The following BCAS3 variants were observed in gnomAD, a reference collection of about 807,000 sequenced individuals.
BCAS3 encodes BCAS3 microtubule associated cell migration factor.
Under a neutral mutation model 116.1 loss-of-function variants are expected in BCAS3, and 53 were observed. The ratio of observed to expected loss-of-function variants is 0.46; its 90% CI spans 0.37 to 0.57. The LOEUF (loss-of-function observed/expected upper bound fraction) is 0.57, where lower values mean the gene tolerates loss of function less well. Ranked by LOEUF, BCAS3 falls within the 20% of genes least tolerant of loss-of-function variation. The pLI, the probability that BCAS3 is intolerant of heterozygous loss-of-function variation, is 0.00. For missense variants in BCAS3, 917 were observed against 1,165.4 expected, an observed-to-expected ratio of 0.79 and a Z score of 3.10; for synonymous variants, 391 against 408.2, an observed-to-expected ratio of 0.96 and a Z score of 0.51.
chr17:60,907,894 A>G (rs564175181), intron 11 of BCAS3, among the ~76,000 whole-genome samples: 1 of 152,324 alleles, frequency 6.6e-6, no homozygotes, highest in Admixed American at 6.5e-5. Context: ...GTTAAATAAC[A>G]TTATCAGTTA....
At position 61,302,752 on chromosome 17, in the gene BCAS3, C is replaced by T. The variant is rs942199114; in HGVS notation, c.2426-65575C>T. 5.3e-5 allele frequency among the ~76,000 whole-genome samples: 8 copies of T among 152,084 alleles called. No homozygotes were observed. The highest frequency in any genetic ancestry group is 2.1e-4 in the South Asian group (1 of 4,828). On this transcript the variant is annotated intron_variant, in intron 22 of 23. Transcript: ENST00000407086. The surrounding 1 kb of genome is among the most constrained non-coding windows in gnomAD (Gnocchi z 4.4). Reference sequence around the variant, plus strand: ...GATCCTTCATTTACAATATCAGCTACGGCCTCTGGATGTGTTTTTATCTAA... The same window carrying T: ...GATCCTTCATTTACAATATCAGCTATGGCCTCTGGATGTGTTTTTATCTAA...
chr17:60,821,234 A>G (rs1202505690), intron 7 of BCAS3, among the ~76,000 whole-genome samples: 1 of 152,120 alleles, frequency 6.6e-6, no homozygotes, highest in African/African-American at 2.4e-5. Context: ...GGCATGCGCC[A>G]CCTCACCTGG....
chr17:60,805,084 A>G (rs2048149883), intron 6 of BCAS3, among the ~76,000 whole-genome samples: 1 of 151,562 alleles, frequency 6.6e-6, no homozygotes, highest in Admixed American at 6.6e-5. Context: ...CACTCACACA[A>G]TTTTAAAGAT....
intron 22 of BCAS3, among the ~76,000 whole-genome samples, chr17:61,153,163 C>T (rs1174352803): frequency 6.6e-6 from 1 of 152,216 alleles, no homozygotes; most frequent in African/African-American, 2.4e-5. Flanking sequence ...GAAGTCTCTT[C>T]TGGTGGTAAT....
At chr17:60,737,989 G>A (rs2041147363) in intron 5 of BCAS3, among the ~76,000 whole-genome samples, 1 of 152,132 alleles carries the variant, frequency 6.6e-6, no homozygotes, top group African/African-American at 2.4e-5. Context: ...GTTTCACCAT[G>A]TTGGCCAGGC....
chr17:60,794,378 C>G (rs2047036395), intron 6 of BCAS3, among the ~76,000 whole-genome samples: 2 of 151,806 alleles, frequency 1.3e-5, no homozygotes, highest in Non-Finnish European at 2.9e-5. Flanking sequence ...TCTGACTGTT[C>G]CTTTTGCTAT....
At chr17:61,274,566 G>A (rs1028679597) in intron 22 of BCAS3, among the ~76,000 whole-genome samples, 2 of 152,098 alleles carry the variant, frequency 1.3e-5, no homozygotes, top group African/African-American at 2.4e-5. Flanking sequence ...TGGGATTACA[G>A]GTGTGAGCCA....
chr17:61,109,587 A>G (rs908693861), intron 22 of BCAS3, among the ~76,000 whole-genome samples: 5 of 152,118 alleles, frequency 3.3e-5, no homozygotes, highest in African/African-American at 1.2e-4. Context: ...TTCCCTTTTC[A>G]CTGCATCCAT....
chr17:60,679,996 G>A (rs1353313946), intron 2 of BCAS3, among the ~76,000 whole-genome samples: 1 of 151,724 alleles, frequency 6.6e-6, no homozygotes, highest in Non-Finnish European at 1.5e-5. Context: ...AAATTAGCCG[G>A]GTATGGTGGC....
intron 22 of BCAS3, among the ~76,000 whole-genome samples, chr17:61,293,847 G>A (rs775166236): frequency 1.4e-4 from 21 of 152,224 alleles, no homozygotes; most frequent in Non-Finnish European, 2.6e-4. Context: ...GGCAACCTCT[G>A]CCTTCCAGGT....
rs71355183 is a variant in BCAS3 at position 61,273,731 on chromosome 17, CT to C, written c.2426-94584del. Among the ~76,000 whole-genome samples the C allele has an allele frequency of 8.6e-4, 119 of 138,744 alleles. 2 individuals are homozygous for C. The highest frequency in any genetic ancestry group is 3.8e-3 in the Middle Eastern group (1 of 260). The allele number at this position is 138,744 out of a possible 152,430, so 91.0% of individuals were successfully genotyped here. A position where few individuals can be genotyped will look rare whatever the true frequency, so the allele number is the denominator to read the frequency against. On this transcript the variant is annotated intron_variant, in intron 22 of 23. Transcript: ENST00000407086. ...TCGCATGGGTCACTGTGGCTCTGTT[CT>C]TTTTTTTTTTTCTTAGAAGTTTTCT... is the stretch of plus-strand genomic sequence containing the variant.
chr17:61,147,175 A>G (rs1368130454), intron 22 of BCAS3, among the ~76,000 whole-genome samples: 1 of 152,056 alleles, frequency 6.6e-6, no homozygotes, highest in African/African-American at 2.4e-5. Context: ...CTCAGGTTCA[A>G]GCGATTCTCG....
At chr17:60,918,168 T>C (rs2058872952) in intron 12 of BCAS3, among the ~76,000 whole-genome samples, 1 of 152,180 alleles carries the variant, frequency 6.6e-6, no homozygotes, top group Non-Finnish European at 1.5e-5. Flanking sequence ...TTAAAAATAA[T>C]GGCCATCCTA....
At position 60,956,006 on chromosome 17, in the gene BCAS3, C is replaced by T. The variant is rs1311411736; in HGVS notation, c.1221+8654C>T. ...TGGTCTTCCTCACTGTGCAGTTACT[C>T]TTTTGTACTTATAAAAATTTACAAG... On this transcript the variant is annotated intron_variant, in intron 14 of 23. Transcript: ENST00000407086. The surrounding 1 kb of genome is among the most constrained non-coding windows in gnomAD (Gnocchi z 4.2). Among the ~76,000 whole-genome samples, 1 of 152,166 alleles carries T rather than the reference C, an allele frequency of 6.6e-6. No individual in the cohort carries two copies. Among genetic ancestry groups the T allele is most frequent in the Non-Finnish European group, 1.5e-5 (1 of 68,026 alleles).
In BCAS3 at chr17:61,309,347, G is replaced by C. The variant is rs980726100; in HGVS notation, c.2426-58980G>C. Among the ~76,000 whole-genome samples, 2 of 152,034 alleles carry C rather than the reference G, an allele frequency of 1.3e-5. No homozygotes were observed. The highest frequency in any genetic ancestry group is 4.8e-5 in the African/African-American group (2 of 41,398). On this transcript the variant is annotated intron_variant, in intron 22 of 23. Coordinates refer to ENST00000407086, the MANE Select transcript of BCAS3 (RefSeq NM_017679.5). This position sits in a 1 kb window ranked among gnomAD's most constrained non-coding sequence, Gnocchi z 4.6. ...GGTGGAGAGGCGGTGTCCATTTTTT[G>C]ACGGAACTGGTATGGGCAGATGAGC...
At chr17:60,706,907 C>T (rs1274004031) in intron 4 of BCAS3, among the ~76,000 whole-genome samples, 5 of 151,046 alleles carry the variant, frequency 3.3e-5, no homozygotes, top group South Asian at 4.2e-4. Flanking sequence ...CTTGACCTCC[C>T]GGGCTCAAGC....
At chr17:61,209,357 T>C (rs1422828065) in intron 22 of BCAS3, among the ~76,000 whole-genome samples, 2 of 152,204 alleles carry the variant, frequency 1.3e-5, no homozygotes, top group Non-Finnish European at 2.9e-5. Flanking sequence ...ATTATTTTAA[T>C]AAAATGCAAT....
intron 23 of BCAS3, among the ~76,000 whole-genome samples, chr17:61,382,251 T>C (rs2059638547): frequency 6.8e-6 from 1 of 146,678 alleles, no homozygotes; most frequent in Non-Finnish European, 1.5e-5. Flanking sequence ...TCAGTTTTTG[T>C]TTTTTGGCTT....
At chr17:61,271,124 CTTTTTTT>C (rs1198682844) in intron 22 of BCAS3, among the ~76,000 whole-genome samples, 2,793 of 107,066 alleles carry the variant, frequency 0.026, 46 homozygotes, top group Admixed American at 0.037. Flanking sequence ...AACTTTTATT[CTTTTTTT>C]TTTTTTTTTT....
Sources: gnomAD v4.1 joint callset for allele counts (sites outside exome capture counted in the v4.1 genomes callset) on GRCh38, gnomAD v4.1.1 for gene constraint, Gnocchi (gnomAD v3.1) non-coding constraint, MANE v1.5 for transcripts, NCBI Gene and HGNC (gene_info 2026-07-23, HGNC 2026-07-21) for gene names.